Variants in MAN2A1 observed in about 807,000 individuals in gnomAD.
MAN2A1 encodes alpha-mannosidase 2.
Under a neutral mutation model 142.6 loss-of-function variants are expected in MAN2A1, and 76 were observed. That is an observed-to-expected ratio of 0.53 (90% confidence interval 0.44 to 0.65). The LOEUF (loss-of-function observed/expected upper bound fraction) is 0.65, where lower values mean the gene tolerates loss of function less well. Ranked by LOEUF, MAN2A1 falls within the 30% of genes least tolerant of loss-of-function variation. The pLI is 0.00. For synonymous variants in MAN2A1, 559 were observed against 473.2 expected (o/e 1.18, Z -2.35); for missense variants, 1,311 against 1,365.1 (o/e 0.96, Z 0.62).
intron 5 of MAN2A1, among the ~76,000 whole-genome samples, chr5:109,756,043 T>C (rs1752679615): frequency 6.6e-6 from 1 of 152,072 alleles, no homozygotes; most frequent in Non-Finnish European, 1.5e-5. Context: ...CAGTTCCTTA[T>C]GTCTGAGCCA....
intron 8 of MAN2A1, among the ~76,000 whole-genome samples, chr5:109,780,383 C>A (rs1464133804): frequency 6.6e-6 from 1 of 151,928 alleles, no homozygotes; most frequent in African/African-American, 2.4e-5. Flanking sequence ...TTCTTAGAGC[C>A]CTATTCACTG....
At chr5:109,832,971 G>C (rs1176288542) in intron 16 of MAN2A1, among the ~76,000 whole-genome samples, 1 of 151,958 alleles carries the variant, frequency 6.6e-6, no homozygotes, top group African/African-American at 2.4e-5. Flanking sequence ...GTCGGGCACA[G>C]ACACTCCTCA....
intron 4 of MAN2A1, among the ~76,000 whole-genome samples, chr5:109,745,554 C>T (rs1322190053): frequency 1.3e-5 from 2 of 152,024 alleles, no homozygotes; most frequent in Non-Finnish European, 2.9e-5. Context: ...AGTACATCCC[C>T]TGCTTATTAA....
chr5:109,793,257 G>A (rs559024564), intron 12 of MAN2A1, among the ~76,000 whole-genome samples: 6 of 152,092 alleles, frequency 3.9e-5, no homozygotes, highest in Admixed American at 3.9e-4. Context: ...GGCCAAAATG[G>A]GTCACTCATA....
At chr5:109,779,751 A>G (rs1279709369) in intron 8 of MAN2A1, among the ~76,000 whole-genome samples, 2 of 152,200 alleles carry the variant, frequency 1.3e-5, no homozygotes, top group East Asian at 1.9e-4. Flanking sequence ...TTCCCATTGT[A>G]GATGAGGAAA....
intron 1 of MAN2A1, among the ~76,000 whole-genome samples, chr5:109,701,681 T>C (rs1012885929): frequency 7.2e-5 from 11 of 152,276 alleles, no homozygotes; most frequent in African/African-American, 2.6e-4. Context: ...AGGCAGTAAA[T>C]CCCTGTACCA....
intron 12 of MAN2A1, among the ~76,000 whole-genome samples, chr5:109,815,355 G>A (rs965224866): frequency 3.3e-5 from 5 of 152,152 alleles, no homozygotes; most frequent in Admixed American, 6.5e-5. Flanking sequence ...GCTTCTGTGC[G>A]TAAAATGGGA....
In MAN2A1 at chr5:109,739,104, A is replaced by G. The variant is rs539970631; in HGVS notation, c.707+9591A>G. On this transcript the variant is annotated intron_variant, in intron 4 of 21. Coordinates refer to ENST00000261483, the MANE Select transcript of MAN2A1 (RefSeq NM_002372.4). ...TGATCCACCTGCCTCAGCCTCCCAA[A>G]GTGCTGGGATTACAGGCATCAGCCA... Among the ~76,000 whole-genome samples, 6 of 152,228 alleles carry G rather than the reference A, an allele frequency of 3.9e-5. No homozygotes were observed. In the South Asian group the frequency reaches 1.2e-3, roughly 32 times the overall value.
intron 4 of MAN2A1, among the ~76,000 whole-genome samples, chr5:109,735,157 G>C (rs60193383): frequency 0.17 from 25,744 of 151,570 alleles, 2,956 homozygotes; most frequent in East Asian, 0.62. Flanking sequence ...GATCTTTGTT[G>C]GTTTAAAGTC....
At chr5:109,718,832 G>GTACTGAGTCA (rs546531416) in intron 3 of MAN2A1, among the ~76,000 whole-genome samples, 184 of 152,210 alleles carry the variant, frequency 1.2e-3, no homozygotes, top group African/African-American at 4.0e-3. Context: ...CTGGCACATG[G>GTACTGAGTCA]TACTGAGTCA....
chr5:109,771,488 C>A (rs1486149953), intron 7 of MAN2A1, among the ~76,000 whole-genome samples: 7 of 152,096 alleles, frequency 4.6e-5, no homozygotes, highest in Admixed American at 4.6e-4. Flanking sequence ...GCATGGCAGC[C>A]TTCTTAAAGT....
In MAN2A1 at chr5:109,758,378, CTTTT is replaced by C. The variant is rs369172479; in HGVS notation, c.835+2924_835+2927del. On this transcript the variant is annotated intron_variant, in intron 5 of 21. Coordinates refer to ENST00000261483, the MANE Select transcript of MAN2A1 (RefSeq NM_002372.4). ...CCTATTTTTCAGTAGAGTTATTTAT[CTTTT>C]TATTATTGACTTAGAATTTTTTTTA... Among the ~76,000 whole-genome samples the C allele has an allele frequency of 3.1e-4, 47 of 151,784 alleles. No homozygotes were observed. In the South Asian group the frequency reaches 9.4e-3, roughly 30 times the overall value.
At chr5:109,707,190 C>A (rs1009041085) in intron 1 of MAN2A1, among the ~76,000 whole-genome samples, 6 of 152,166 alleles carry the variant, frequency 3.9e-5, no homozygotes, top group Non-Finnish European at 7.3e-5. Flanking sequence ...CCAAACAGCC[C>A]ATGAAAACCA....
chr5:109,703,825 GT>G (rs1468079366), intron 1 of MAN2A1, among the ~76,000 whole-genome samples: 1 of 152,160 alleles, frequency 6.6e-6, no homozygotes, highest in Non-Finnish European at 1.5e-5. Context: ...GTGGTTATCT[GT>G]TTTGCATAGT....
chr5:109,861,589 C>G (rs1037656182), intron 20 of MAN2A1, among the ~76,000 whole-genome samples: 1 of 152,174 alleles, frequency 6.6e-6, no homozygotes. Context: ...CTCACAACAA[C>G]CCTAAGAAGG....
At chr5:109,828,658 TAGTA>T (rs1247721973) in intron 16 of MAN2A1, among the ~76,000 whole-genome samples, 3 of 152,186 alleles carry the variant, frequency 2.0e-5, no homozygotes, top group Non-Finnish European at 2.9e-5. Flanking sequence ...GTTAGCGAGT[TAGTA>T]TGTATGTGTG....
chr5:109,801,323 A>G (rs913491536), intron 12 of MAN2A1, among the ~76,000 whole-genome samples: 35 of 152,168 alleles, frequency 2.3e-4, no homozygotes, highest in African/African-American at 7.5e-4. Context: ...TGAGCAAAGG[A>G]GGAAGGTCAT....
At chr5:109,780,777 A>G (rs558293691) in intron 8 of MAN2A1, among the ~76,000 whole-genome samples, 1 of 152,302 alleles carries the variant, frequency 6.6e-6, no homozygotes. Flanking sequence ...TTAAGCAGCC[A>G]GACTTGCCAT....
rs966229010 is a variant in MAN2A1 at position 109,868,429 on chromosome 5, CTT to C, written c.*1433_*1434del. On this transcript the variant is annotated 3_prime_UTR_variant, in exon 22 of 22. Coordinates refer to ENST00000261483, the MANE Select transcript of MAN2A1 (RefSeq NM_002372.4). ...ATGCAATTTTAGCATAGAAAGGAGTCTTTGAGTATGTACAGTTTTGAAAATTC... is the reference window on the plus strand; with the variant it reads ...ATGCAATTTTAGCATAGAAAGGAGTCTGAGTATGTACAGTTTTGAAAATTC... 1 of 152,166 alleles carries C rather than the reference CTT, an allele frequency of 6.6e-6. No homozygotes were observed. Among genetic ancestry groups the C allele is most frequent in the African/African-American group, 2.4e-5 (1 of 41,436 alleles). 9.4% of individuals were successfully genotyped at this position (152,166 alleles called of 1,614,324 possible). A position where few individuals can be genotyped will look rare whatever the true frequency, so the allele number is the denominator to read the frequency against.
Sources: allele counts gnomAD v4.1 joint callset (sites outside exome capture counted in the v4.1 genomes callset), GRCh38; gene constraint gnomAD v4.1.1; transcripts MANE v1.5; gene names NCBI Gene and HGNC (gene_info 2026-07-23, HGNC 2026-07-21).